GABBR2: variants seen among roughly 807,000 people sequenced by gnomAD.
GABBR2 encodes the protein gamma-aminobutyric acid type B receptor subunit 2.
In GABBR2, 23 loss-of-function variants were observed where a neutral mutation model predicts 105.6. The observed-to-expected ratio is 0.22, with a 90% CI of 0.16 to 0.31. GABBR2 has a LOEUF of 0.31. Among genes scored for constraint, GABBR2 ranks in the 10% least tolerant of loss-of-function variants. The pLI, the probability that GABBR2 is intolerant of heterozygous loss-of-function variation, is 1.00. For missense variants in GABBR2, 734 were observed against 1,245.5 expected (o/e 0.59, Z 6.18); for synonymous variants, 478 against 499.7 (o/e 0.96, Z 0.58).
chr9:98,429,243 G>A (rs1825757079), intron 7 of GABBR2, among the ~76,000 whole-genome samples: 1 of 151,722 alleles, frequency 6.6e-6, no homozygotes, highest in African/African-American at 2.4e-5. Context: ...GAGTTCAAGC[G>A]ATCCTCCTGC....
intron 2 of GABBR2, among the ~76,000 whole-genome samples, chr9:98,563,983 C>T (rs902262141): frequency 6.6e-6 from 1 of 152,130 alleles, no homozygotes; most frequent in Non-Finnish European, 1.5e-5. Context: ...TTGATTTTCA[C>T]CAACAACCAG....
intron 8 of GABBR2, among the ~76,000 whole-genome samples, chr9:98,396,922 G>A (rs1832302615): frequency 6.6e-6 from 1 of 152,168 alleles, no homozygotes; most frequent in Non-Finnish European, 1.5e-5. Context: ...CAATGTTGGA[G>A]GCTCACAGGC....
At chr9:98,429,155 T>TGTGTGTGTGTGTGTGTGTGTG (rs1554704942) in intron 7 of GABBR2, among the ~76,000 whole-genome samples, 2 of 151,714 alleles carry the variant, frequency 1.3e-5, no homozygotes, top group African/African-American at 2.4e-5. Flanking sequence ...TGTGTGTGTG[T>TGTGTGTGTGTGTGTGTGTGTG]TTGAGACAAA....
At chr9:98,417,046 C>G (rs1266202261) in intron 7 of GABBR2, among the ~76,000 whole-genome samples, 2 of 152,172 alleles carry the variant, frequency 1.3e-5, no homozygotes, top group Non-Finnish European at 2.9e-5. Context: ...TCCTCCACAC[C>G]CTGAGCTGAA....
At chr9:98,329,874 T>C (rs907073201) in intron 13 of GABBR2, among the ~76,000 whole-genome samples, 38 of 151,846 alleles carry the variant, frequency 2.5e-4, no homozygotes, top group African/African-American at 8.5e-4. Flanking sequence ...TCTCTCTCTC[T>C]CTCTCTCACA....
At position 98,573,132 on chromosome 9, in the gene GABBR2, A is replaced by G. The variant is rs1174532386; in HGVS notation, c.459+4803T>C. On this transcript the variant is annotated intron_variant, in intron 2 of 18. Coordinates refer to ENST00000259455, the MANE Select transcript of GABBR2 (RefSeq NM_005458.8). ...CTATCCTCTGCACTTAGCACATTTC[A>G]GTACTCAGTGAGGACCTACTGTGAG... is the stretch of plus-strand genomic sequence containing the variant. Among the ~76,000 whole-genome samples, 3 of 152,188 alleles carry G rather than the reference A, an allele frequency of 2.0e-5. No individual in the cohort carries two copies. The East Asian group carries it at 5.8e-4, about 29-fold the overall frequency.
chr9:98,300,501 G>A (rs1830451442), intron 16 of GABBR2, among the ~76,000 whole-genome samples: 1 of 152,212 alleles, frequency 6.6e-6, no homozygotes, highest in African/African-American at 2.4e-5. Flanking sequence ...CAGCCCCAGA[G>A]AAGCCTGGGC....
intron 11 of GABBR2, among the ~76,000 whole-genome samples, chr9:98,383,010 G>A (rs762225734): frequency 6.6e-6 from 1 of 151,914 alleles, no homozygotes; most frequent in African/African-American, 2.4e-5. Flanking sequence ...GCGTGATCTC[G>A]GCTCACTGTA....
chr9:98,475,317 A>G (rs973278333), intron 5 of GABBR2, among the ~76,000 whole-genome samples: 1 of 151,982 alleles, frequency 6.6e-6, no homozygotes, highest in Non-Finnish European at 1.5e-5. Context: ...GCTTCTCTCT[A>G]ATGAATGAAA....
intron 4 of GABBR2, among the ~76,000 whole-genome samples, chr9:98,490,940 C>A: frequency 6.6e-6 from 1 of 151,860 alleles, no homozygotes; most frequent in East Asian, 1.9e-4. Flanking sequence ...AATTTCGATA[C>A]ACATCTGCTA....
chr9:98,303,672 T>A (rs1444397714), intron 15 of GABBR2, among the ~76,000 whole-genome samples: 2 of 152,256 alleles, frequency 1.3e-5, no homozygotes, highest in Non-Finnish European at 2.9e-5. Flanking sequence ...TCTAGTCTCC[T>A]GACCCTGATG....
intron 3 of GABBR2, among the ~76,000 whole-genome samples, chr9:98,527,877 G>A (rs577124514): frequency 3.9e-5 from 6 of 152,204 alleles, no homozygotes; most frequent in African/African-American, 1.4e-4. Context: ...TATTATAAAG[G>A]AGCCCTGAGG....
At chr9:98,461,552 A>G (rs1231230868) in intron 6 of GABBR2, among the ~76,000 whole-genome samples, 2 of 152,250 alleles carry the variant, frequency 1.3e-5, no homozygotes, top group Non-Finnish European at 2.9e-5. Flanking sequence ...ATTTCAGACC[A>G]TACATAAAAT....
chr9:98,607,957 T>A, intron 1 of GABBR2: 6 of 1,331,232 alleles, frequency 4.5e-6, no homozygotes, highest in Non-Finnish European at 6.3e-6. Flanking sequence ...GAAGCTGAGC[T>A]CCAGCGGCAC....
At chr9:98,665,738 T>A (rs1830324849) in intron 1 of GABBR2, among the ~76,000 whole-genome samples, 1 of 152,160 alleles carries the variant, frequency 6.6e-6, no homozygotes, top group Non-Finnish European at 1.5e-5. Context: ...AAGTGTGGAC[T>A]CCCACTCACC....
At chr9:98,320,926 C>T (rs564457808) in intron 13 of GABBR2, among the ~76,000 whole-genome samples, 24 of 151,550 alleles carry the variant, frequency 1.6e-4, no homozygotes, top group African/African-American at 5.3e-4. Context: ...CATGTATACG[C>T]ATGTAACTAA....
intron 13 of GABBR2, among the ~76,000 whole-genome samples, chr9:98,322,061 T>C (rs73492812): frequency 0.02 from 3,014 of 152,138 alleles, 98 homozygotes; most frequent in African/African-American, 0.069. Flanking sequence ...CTAGTTCTGC[T>C]GAATTGCTCC....
At chr9:98,679,169 G>A (rs1287970703) in intron 1 of GABBR2, among the ~76,000 whole-genome samples, 1 of 152,158 alleles carries the variant, frequency 6.6e-6, no homozygotes, top group African/African-American at 2.4e-5. Context: ...GCCCAGTCCA[G>A]TCCCCAAAGA....
intron 7 of GABBR2, among the ~76,000 whole-genome samples, chr9:98,415,292 T>C (rs1474290276): frequency 6.6e-6 from 1 of 152,188 alleles, no homozygotes; most frequent in Non-Finnish European, 1.5e-5. Flanking sequence ...TTTAAAAAGA[T>C]GTGATAAGGA....
Sources: gnomAD v4.1 joint callset for allele counts (sites outside exome capture counted in the v4.1 genomes callset) on GRCh38, gnomAD v4.1.1 for gene constraint, MANE v1.5 for transcripts, NCBI Gene and HGNC (gene_info 2026-07-23, HGNC 2026-07-21) for gene names.